The following ZIC2 variants were observed in gnomAD, a reference collection of about 807,000 sequenced individuals.
ZIC2 encodes Zic family zinc finger 2.
Under a neutral mutation model 29.5 loss-of-function variants are expected in ZIC2, and 7 were observed. That is an observed-to-expected ratio of 0.24 (90% CI 0.14 to 0.45). The LOEUF (loss-of-function observed/expected upper bound fraction) is 0.45, where lower values mean the gene tolerates loss of function less well. Among genes scored for constraint, ZIC2 ranks in the 20% least tolerant of loss-of-function variants. ZIC2 has a pLI of 1.00. For synonymous variants in ZIC2, 408 were observed against 354.2 expected, an observed-to-expected ratio of 1.15 and a Z score of -1.70; for missense variants, 589 against 781.2, an observed-to-expected ratio of 0.75 and a Z score of 2.93.
At position 99,982,607 on chromosome 13, in the gene ZIC2, C is replaced by T. The variant is rs572196596; in HGVS notation, c.543C>T (p.Leu181=). Residue 181 remains leucine, a synonymous_variant, in exon 1 of 3, where the codon CTC becomes CTT. Transcript: ENST00000376335. ...ATGTGCTCAACGGGCAGATGCGCCT[C>T]GGGCTGCCCGGCGAGGTGTTCGGGC... The part of the protein sequence containing the change: ...SQNVLNGQMR[L]GLPGEVFGRS... The T allele has an allele frequency of 5.7e-6, 9 of 1,584,842 alleles. No homozygotes were observed. Among genetic ancestry groups the T allele is most frequent in the Admixed American group, 3.5e-5 (2 of 57,500 alleles).
Position 99,982,010 on chromosome 13 carries a change from G to A in ZIC2, c.-55G>A. ...GACGCACCGCGCGGATCGGGAGCGG[G>A]AGTCGAGGCGGCGCGGAGGCGCAGG... On this transcript the variant is annotated 5_prime_UTR_variant, in exon 1 of 3. Coordinates refer to ENST00000376335, the MANE Select transcript of ZIC2 (RefSeq NM_007129.5). The A allele has an allele frequency of 1.7e-6, 2 of 1,212,018 alleles. No homozygotes were observed. Among genetic ancestry groups the A allele is most frequent in the Non-Finnish European group, 2.0e-6 (2 of 976,798 alleles). The allele number at this position is 1,212,018 out of a possible 1,614,324, so 75.1% of individuals were successfully genotyped here. A position where few individuals can be genotyped will look rare whatever the true frequency, so the allele number is the denominator to read the frequency against.
chr13:99,985,412 C>T lies in ZIC2; in HGVS notation c.1329C>T (p.Pro443=). 6.3e-7 allele frequency: 1 copy of T among 1,595,596 alleles called. No individual in the cohort carries two copies. The highest frequency in any genetic ancestry group is 8.5e-7 in the Non-Finnish European group (1 of 1,178,162). ...CCACGCCCCCGGGGCTGGTGTCCCCCAGCGCCGAGCCCCAGAGCAGCTCCA... is the reference window on the plus strand; with the variant it reads ...CCACGCCCCCGGGGCTGGTGTCCCCTAGCGCCGAGCCCCAGAGCAGCTCCA... ...ESSTPPGLVS[P]SAEPQSSSNL... The change falls in exon 3 of 3, where the codon CCC becomes CCT. Residue 443 remains proline (P), a synonymous_variant. Transcript: ENST00000376335. This position sits in a 1 kb window ranked among gnomAD's most constrained non-coding sequence, Gnocchi z 6.3.
At position 99,982,783 on chromosome 13, in the gene ZIC2, C is replaced by A; in HGVS notation, c.719C>A (p.Pro240His). Reference protein sequence around the residue: ...AHHHHHHHHHPGAFFRYMRQQ... With the variant: ...AHHHHHHHHHHGAFFRYMRQQ... ...CACCACCACCACCACCACCACCACC[C>A]CGGTGCCTTTTTCCGCTATATGCGG... The change falls in exon 1 of 3, where the codon CCC (proline) becomes CAC (histidine). Residue 240 changes from proline to histidine, a missense_variant. Around this residue, in one of 7 missense-constraint regions of ZIC2, gnomAD observed 358 missense variants for 382.0 expected, o/e 0.94. Coordinates refer to ENST00000376335, the MANE Select transcript of ZIC2 (RefSeq NM_007129.5). The A allele has an allele frequency of 6.2e-7, 1 of 1,607,616 alleles. No homozygotes were observed. The highest frequency in any genetic ancestry group is 8.5e-7 in the Non-Finnish European group (1 of 1,179,932).
At position 99,983,735 on chromosome 13, in the gene ZIC2, A is replaced by G. The variant is rs2053248237; in HGVS notation, c.1075+596A>G. 6.6e-6 allele frequency among the ~76,000 whole-genome samples: 1 copy of G among 152,148 alleles called. No homozygotes were observed. Reference sequence around the variant, plus strand: ...CTGTGGTTTCGCAGCAGTTTGTGAAATTCTCTAATGGGCACCACAGAGTTT... The same window carrying G: ...CTGTGGTTTCGCAGCAGTTTGTGAAGTTCTCTAATGGGCACCACAGAGTTT... On this transcript the variant is annotated intron_variant, in intron 1 of 2. Coordinates refer to ENST00000376335, the MANE Select transcript of ZIC2 (RefSeq NM_007129.5). This position sits in a 1 kb window ranked among gnomAD's most constrained non-coding sequence, Gnocchi z 4.7.
rs747772708 is a variant in ZIC2, at chr13:99,986,100, A to G, written c.*418A>G. ...CTTTTTGGTGTATAGAAGTTTGTCC[A>G]TTTGTAAAACTCCGGATTGCGTTCC... On this transcript the variant is annotated 3_prime_UTR_variant, in exon 3 of 3. Transcript: ENST00000376335. 6.0e-5 allele frequency: 27 copies of G among 452,892 alleles called. No individual in the cohort carries two copies. The highest frequency in any genetic ancestry group is 5.2e-4 in the African/African-American group (26 of 49,902). 28.1% of individuals were successfully genotyped at this position (452,892 alleles called of 1,614,324 possible).
rs1298889889 is a variant in ZIC2 at position 99,985,790 on chromosome 13, G to A, written c.*108G>A. On this transcript the variant is annotated 3_prime_UTR_variant, in exon 3 of 3. Transcript: ENST00000376335. This position sits in a 1 kb window ranked among gnomAD's most constrained non-coding sequence, Gnocchi z 6.3. The stretch of plus-strand genomic sequence containing the variant: ...ATCATGTTGTTAAAATTATGAATCT[G>A]ATTTTTATGATGATGAAAATTTTAC... 2.1e-5 allele frequency: 11 copies of A among 531,734 alleles called. No individual in the cohort carries two copies. Among genetic ancestry groups the A allele is most frequent in the Non-Finnish European group, 2.9e-5 (11 of 378,844 alleles). 32.9% of individuals were successfully genotyped at this position (531,734 alleles called of 1,614,324 possible).
chr13:99,985,505 G>T lies in ZIC2; in HGVS notation c.1422G>T (p.Val474=). The T allele has an allele frequency of 8.8e-7, 1 of 1,137,130 alleles. No homozygotes were observed. The highest frequency in any genetic ancestry group is 3.3e-4 in the Middle Eastern group (1 of 3,000). 70.4% of individuals were successfully genotyped at this position (1,137,130 alleles called of 1,614,324 possible). A position where few individuals can be genotyped will look rare whatever the true frequency, so the allele number is the denominator to read the frequency against. The change falls in exon 3 of 3, where the codon GTG becomes GTT. Residue 474 remains valine (V), a synonymous_variant. Coordinates refer to ENST00000376335, the MANE Select transcript of ZIC2 (RefSeq NM_007129.5). This position sits in a 1 kb window ranked among gnomAD's most constrained non-coding sequence, Gnocchi z 6.3. ...CGGCGGCGGCCGCGGTGTCCGCGGT[G>T]CACCGGGGCGGAGGCTCGGGCAGTG... ...AAAAAAAVSA[V]HRGGGSGSGG... is the part of the protein sequence containing the mutation.
Position 99,982,614 on chromosome 13 carries a change from C to T in ZIC2, c.550C>T (p.Pro184Ser), listed in dbSNP as rs778501930. Residue 184 changes from proline to serine, a missense_variant, in exon 1 of 3, where the codon CCC becomes TCC. Physicochemically the swap from Pro to Ser is moderately conservative, Grantham distance 74 (BLOSUM62 -1). Transcript: ENST00000376335. ...CAACGGGCAGATGCGCCTCGGGCTGCCCGGCGAGGTGTTCGGGCGCTCGGA... is the reference window on the plus strand; with the variant it reads ...CAACGGGCAGATGCGCCTCGGGCTGTCCGGCGAGGTGTTCGGGCGCTCGGA... The part of the protein sequence containing the change: ...VLNGQMRLGL[P>S]GEVFGRSEQY... 6.3e-7 allele frequency: 1 copy of T among 1,588,652 alleles called. No individual in the cohort carries two copies. Among genetic ancestry groups the T allele is most frequent in the East Asian group, 2.3e-5 (1 of 44,148 alleles).
rs1217735125 is a variant in ZIC2, at chr13:99,983,176, G to C, written c.1075+37G>C. On this transcript the variant is annotated intron_variant, in intron 1 of 2. Coordinates refer to ENST00000376335, the MANE Select transcript of ZIC2 (RefSeq NM_007129.5). This position sits in a 1 kb window ranked among gnomAD's most constrained non-coding sequence, Gnocchi z 4.7. ...CTGGGACAGGGACCAGGCGCGGAGG[G>C]GAGACACGCACAGGCTGAGACTCAG... The C allele has an allele frequency of 1.2e-6, 2 of 1,607,776 alleles. No homozygotes were observed. Among genetic ancestry groups the C allele is most frequent in the Non-Finnish European group, 1.7e-6 (2 of 1,177,520 alleles).
In ZIC2 at chr13:99,986,121, G is replaced by A. The variant is rs1183814825; in HGVS notation, c.*439G>A. ...GTCCATTTGTAAAACTCCGGATTGCGTTCCTCCCCGCCTTCCGCCCCTTCC... is the reference window on the plus strand; with the variant it reads ...GTCCATTTGTAAAACTCCGGATTGCATTCCTCCCCGCCTTCCGCCCCTTCC... On this transcript the variant is annotated 3_prime_UTR_variant, in exon 3 of 3. Coordinates refer to ENST00000376335, the MANE Select transcript of ZIC2 (RefSeq NM_007129.5). 3 of 450,252 alleles carry A rather than the reference G, an allele frequency of 6.7e-6. No individual in the cohort carries two copies. In the Admixed American group the frequency reaches 7.3e-5, roughly 11 times the overall value. 27.9% of individuals were successfully genotyped at this position (450,252 alleles called of 1,614,324 possible). A position where few individuals can be genotyped will look rare whatever the true frequency, so the allele number is the denominator to read the frequency against.
At position 99,985,118 on chromosome 13, in the gene ZIC2, G is replaced by A. The variant is rs766107194; in HGVS notation, c.1239+9G>A. 3.1e-6 allele frequency: 5 copies of A among 1,613,998 alleles called. No individual in the cohort carries two copies. In the South Asian group the frequency reaches 4.4e-5, roughly 14 times the overall value. On this transcript the variant is annotated intron_variant, in intron 2 of 2. Transcript: ENST00000376335. The surrounding 1 kb of genome is among the most constrained non-coding windows in gnomAD (Gnocchi z 6.3). ...TGCGGAAGCACATGAAGGTACCACC[G>A]CGGCGGCCGGGAGGAGGGCGAGGCA... is the stretch of plus-strand genomic sequence containing the variant.
chr13:99,984,518 G>C, intron 1 of ZIC2: 1 of 275,042 alleles, frequency 3.6e-6, no homozygotes, highest in Non-Finnish European at 7.1e-6. Flanking sequence ...AACTCCAAAT[G>C]TAATTGCTTA....
chr13:99,984,505 A>G, intron 1 of ZIC2: 1 of 251,566 alleles, frequency 4.0e-6, no homozygotes, highest in Non-Finnish European at 7.8e-6. Flanking sequence ...AACAACACGT[A>G]GCAACTCCAA....
chr13:99,985,465 C>T lies in ZIC2; in HGVS notation c.1382C>T (p.Ala461Val). Residue 461 changes from alanine to valine, a missense_variant, in exon 3 of 3, where the codon GCG becomes GTG. Transcript: ENST00000376335. This position sits in a 1 kb window ranked among gnomAD's most constrained non-coding sequence, Gnocchi z 6.3. ...SNLSPAAAAA[A>V]AAAAAAAAAV... is the part of the protein sequence containing the mutation. ...CTGTCCCCAGCGGCGGCGGCAGCGG[C>T]GGCGGCGGCTGCGGCGGCGGCGGCC... 7.4e-7 allele frequency: 1 copy of T among 1,352,586 alleles called. No individual in the cohort carries two copies. Among genetic ancestry groups the T allele is most frequent in the South Asian group, 2.1e-5 (1 of 47,282 alleles). The allele number at this position is 1,352,586 out of a possible 1,614,324, so 83.8% of individuals were successfully genotyped here. A position where few individuals can be genotyped will look rare whatever the true frequency, so the allele number is the denominator to read the frequency against.
chr13:99,985,346 C>G lies in ZIC2; in HGVS notation c.1263C>G (p.Gly421=), dbSNP rs1133911. Residue 421 remains glycine (G), a synonymous_variant, in exon 3 of 3, where the codon GGC becomes GGG. Coordinates refer to ENST00000376335, the MANE Select transcript of ZIC2 (RefSeq NM_007129.5). The surrounding 1 kb of genome is among the most constrained non-coding windows in gnomAD (Gnocchi z 6.3). ...AGGTCCATGAGTCCTCCCCGCAGGGCTCTGAATCCTCCCCGGCCGCCAGCT... is the reference window on the plus strand; with the variant it reads ...AGGTCCATGAGTCCTCCCCGCAGGGGTCTGAATCCTCCCCGGCCGCCAGCT... ...HMKVHESSPQ[G]SESSPAASSG... is the part of the protein sequence containing the mutation. The G allele has an allele frequency of 2.5e-6, 4 of 1,597,908 alleles. No homozygotes were observed. Among genetic ancestry groups the G allele is most frequent in the Non-Finnish European group, 3.4e-6 (4 of 1,179,382 alleles).
chr13:99,985,419 G>A lies in ZIC2; in HGVS notation c.1336G>A (p.Glu446Lys), dbSNP rs1213222333. 2 of 1,594,186 alleles carry A rather than the reference G, an allele frequency of 1.3e-6. No homozygotes were observed. The highest frequency in any genetic ancestry group is 1.7e-6 in the Non-Finnish European group (2 of 1,177,312). Reference sequence around the variant, plus strand: ...CCCGGGGCTGGTGTCCCCCAGCGCCGAGCCCCAGAGCAGCTCCAACCTGTC... The same window carrying A: ...CCCGGGGCTGGTGTCCCCCAGCGCCAAGCCCCAGAGCAGCTCCAACCTGTC... Reference protein sequence around the residue: ...TPPGLVSPSAEPQSSSNLSPA... With the variant: ...TPPGLVSPSAKPQSSSNLSPA... Residue 446 changes from glutamate (E) to lysine (K), a missense_variant, in exon 3 of 3, where the codon GAG (glutamate) becomes AAG (lysine). Glu to Lys is a moderately conservative substitution (Grantham distance 56). This residue lies in a region of ZIC2 where 135 missense variants were observed against 136.7 expected (regional missense o/e 0.99). Transcript: ENST00000376335. This position sits in a 1 kb window ranked among gnomAD's most constrained non-coding sequence, Gnocchi z 6.3.
chr13:99,985,225 A>T lies in ZIC2; in HGVS notation c.1240-98A>T. 6.2e-7 allele frequency: 1 copy of T among 1,600,346 alleles called. No homozygotes were observed. The highest frequency in any genetic ancestry group is 8.5e-7 in the Non-Finnish European group (1 of 1,173,690). On this transcript the variant is annotated intron_variant, in intron 2 of 2. Coordinates refer to ENST00000376335, the MANE Select transcript of ZIC2 (RefSeq NM_007129.5). This position sits in a 1 kb window ranked among gnomAD's most constrained non-coding sequence, Gnocchi z 6.3. The stretch of plus-strand genomic sequence containing the variant: ...CCCAGGGGCCAGGGCGGCGGGGGGA[A>T]CATTTCTGGGGGTGCTCTCCCCCAG...
At position 99,985,187 on chromosome 13, in the gene ZIC2, G is replaced by A; in HGVS notation, c.1239+78G>A. On this transcript the variant is annotated intron_variant, in intron 2 of 2. Coordinates refer to ENST00000376335, the MANE Select transcript of ZIC2 (RefSeq NM_007129.5). The surrounding 1 kb of genome is among the most constrained non-coding windows in gnomAD (Gnocchi z 6.3). ...GCACTGGCCCGGACCACCTCAGCCGGCCTGGGAGGGTCCCCAGGGGCCAGG... is the reference window on the plus strand; with the variant it reads ...GCACTGGCCCGGACCACCTCAGCCGACCTGGGAGGGTCCCCAGGGGCCAGG... 1.9e-6 allele frequency: 3 copies of A among 1,608,930 alleles called. No individual in the cohort carries two copies. The highest frequency in any genetic ancestry group is 1.7e-6 in the Non-Finnish European group (2 of 1,177,130).
Position 99,982,325 on chromosome 13 carries a change from CTCCGCTGCGGCT to C in ZIC2, c.262_273del (p.Ser88_Ala91del). ...CGCAGGGCCCCGGCGCCTACCCCGG[CTCCGCTGCGGCT>C]GCCGCTGCGGCCGCAGCGCTCGGGC... On this transcript the variant is annotated inframe_deletion, in exon 1 of 3. Transcript: ENST00000376335. 1 of 1,467,584 alleles carries C rather than the reference CTCCGCTGCGGCT, an allele frequency of 6.8e-7. No homozygotes were observed. Among genetic ancestry groups the C allele is most frequent in the East Asian group, 3.0e-5 (1 of 33,522 alleles). The allele number at this position is 1,467,584 out of a possible 1,614,324, so 90.9% of individuals were successfully genotyped here.
Sources: gnomAD v4.1 joint callset for allele counts (sites outside exome capture counted in the v4.1 genomes callset) on GRCh38, gnomAD v4.1.1 for gene constraint, gnomAD v4.1.1 regional missense constraint, Gnocchi (gnomAD v3.1) non-coding constraint, MANE v1.5 for transcripts, NCBI Gene and HGNC (gene_info 2026-07-23, HGNC 2026-07-21) for gene names.